Variants in SEC24D observed in about 807,000 individuals in gnomAD.
The protein encoded by SEC24D is SEC24 homolog D, COPII component.
Under a neutral mutation model 116.9 loss-of-function variants are expected in SEC24D, and 69 were observed. That is an observed-to-expected ratio of 0.59 (90% CI 0.49 to 0.72). The LOEUF is 0.72. SEC24D is among the 30% of genes least tolerant of loss of function. The probability of loss-of-function intolerance (pLI) is 0.00; values close to 1 mark genes in which losing one functional copy is unlikely to be tolerated. For synonymous variants in SEC24D, 405 were observed against 442.8 expected (o/e 0.91, Z 1.07); for missense variants, 1,131 against 1,264.1 (o/e 0.89, Z 1.60).
chr4:118,778,728 C>T (rs1482728115), intron 8 of SEC24D, among the ~76,000 whole-genome samples: 3 of 152,168 alleles, frequency 2.0e-5, no homozygotes, highest in African/African-American at 7.2e-5. Flanking sequence ...TTCTTCCTAC[C>T]CATGAGCATG....
At chr4:118,799,704 A>G (rs1307832609) in intron 7 of SEC24D, among the ~76,000 whole-genome samples, 2 of 152,180 alleles carry the variant, frequency 1.3e-5, no homozygotes, top group African/African-American at 4.8e-5. Context: ...TAGGATGTGT[A>G]TCACGCGGAG....
Position 118,817,324 on chromosome 4 carries a change from A to C in SEC24D, c.337T>G (p.Ser113Ala). ...SAQSSYPGPISTSSVTQLGSQ... is the reference protein window; with the variant it reads ...SAQSSYPGPIATSSVTQLGSQ... ...CCCAGCTGGGTGACAGATGAAGTGGATATAGGACCTGGATAAGAAGATTGT... is the reference window on the plus strand; with the variant it reads ...CCCAGCTGGGTGACAGATGAAGTGGCTATAGGACCTGGATAAGAAGATTGT... Residue 113 changes from serine to alanine, a missense_variant, in exon 4 of 23, where the codon TCC becomes GCC. By Grantham distance (99) the Ser-to-Ala change is moderately conservative. Transcript: ENST00000280551. The C allele has an allele frequency of 6.2e-7, 1 of 1,613,844 alleles. No individual in the cohort carries two copies. Among genetic ancestry groups the C allele is most frequent in the Non-Finnish European group, 8.5e-7 (1 of 1,179,844 alleles).
At chr4:118,784,755 CCAAATACACA>C (rs1267953259) in intron 8 of SEC24D, among the ~76,000 whole-genome samples, 3 of 150,312 alleles carry the variant, frequency 2.0e-5, no homozygotes, top group Non-Finnish European at 3.0e-5. Flanking sequence ...CCCCCCGCCA[CCAAATACACA>C]CAAACACACA....
intron 19 of SEC24D, chr4:118,736,133 G>A (rs1049670115): frequency 3.6e-5 from 5 of 140,796 alleles, no homozygotes; most frequent in Non-Finnish European, 7.5e-5. Context: ...AGCCTCCTAA[G>A]TAACTGGGAT....
intron 4 of SEC24D, chr4:118,816,603 AT>A (rs758592522): frequency 5.7e-5 from 13 of 227,960 alleles, no homozygotes; most frequent in Non-Finnish European, 9.7e-5. Flanking sequence ...AGACTTATCC[AT>A]TTTGAAATGA....
intron 2 of SEC24D, among the ~76,000 whole-genome samples, chr4:118,831,955 C>A (rs1341445577): frequency 6.6e-6 from 1 of 151,760 alleles, no homozygotes; most frequent in East Asian, 1.9e-4. Flanking sequence ...ATAATTCCAG[C>A]ACCTTGGGAG....
In SEC24D at chr4:118,778,389, T is replaced by C. The variant is rs572239123; in HGVS notation, c.1042-10078A>G. Among the ~76,000 whole-genome samples the C allele has an allele frequency of 2.6e-5, 4 of 152,338 alleles. No individual in the cohort carries two copies. In the East Asian group the frequency reaches 7.7e-4, roughly 29 times the overall value. On this transcript the variant is annotated intron_variant, in intron 8 of 22. Coordinates refer to ENST00000280551, the MANE Select transcript of SEC24D (RefSeq NM_014822.4). ...AACCTTTCCCCATTTCTTGTTTTTG[T>C]TAGGTTTGTCAAAGATCAGATGGTT... is the stretch of plus-strand genomic sequence containing the variant.
At chr4:118,786,634 C>T (rs1025192056) in intron 8 of SEC24D, among the ~76,000 whole-genome samples, 8 of 152,184 alleles carry the variant, frequency 5.3e-5, no homozygotes, top group Non-Finnish European at 1.2e-4. Context: ...TTCAATAAGG[C>T]ATATTCCTAT....
chr4:118,795,781 G>A (rs1006903851), intron 8 of SEC24D, among the ~76,000 whole-genome samples: 8 of 152,110 alleles, frequency 5.3e-5, no homozygotes, highest in African/African-American at 7.2e-5. Flanking sequence ...GGTGGGGGTC[G>A]CCTAGGAAAG....
rs1027304723 is a variant in SEC24D, at chr4:118,738,183, A to G, written c.2496+78T>C. 27 of 939,574 alleles carry G rather than the reference A, an allele frequency of 2.9e-5. No individual in the cohort carries two copies. The African/African-American group carries it at 3.8e-4, about 13-fold the overall frequency. The allele number at this position is 939,574 out of a possible 1,614,324, so 58.2% of individuals were successfully genotyped here. A position where few individuals can be genotyped will look rare whatever the true frequency, so the allele number is the denominator to read the frequency against. On this transcript the variant is annotated intron_variant, in intron 19 of 22. Transcript: ENST00000280551. ...GCATCTAAGTGCCTGCAACATCATA[A>G]GCCTTCTATAGCTATGTGCTGAAGA...
Position 118,824,297 on chromosome 4 carries a change from C to T in SEC24D, c.248+323G>A, listed in dbSNP as rs148466320. ...CAGTAGCTAGGACTACAAACATGCACCACCAGGCCGGCTAATTTTTTCTAT... is the reference window on the plus strand; with the variant it reads ...CAGTAGCTAGGACTACAAACATGCATCACCAGGCCGGCTAATTTTTTCTAT... On this transcript the variant is annotated intron_variant, in intron 3 of 22. Transcript: ENST00000280551. Among the ~76,000 whole-genome samples, 1,434 of 152,178 alleles carry T rather than the reference C, an allele frequency of 9.4e-3. 10 individuals are homozygous for T. Among genetic ancestry groups the T allele is most frequent in the Middle Eastern group, 0.085 (25 of 294 alleles).
intron 8 of SEC24D, among the ~76,000 whole-genome samples, chr4:118,784,832 G>A (rs929598659): frequency 1.3e-5 from 2 of 151,130 alleles, no homozygotes; most frequent in African/African-American, 2.4e-5. Context: ...ACACTGGAGT[G>A]GGGGGAGAAT....
chr4:118,793,459 T>C (rs1578442462), intron 8 of SEC24D, among the ~76,000 whole-genome samples: 1 of 100,428 alleles, frequency 1.0e-5, no homozygotes, highest in Non-Finnish European at 1.8e-5. Context: ...AGAGCGAGAC[T>C]CCGTCTCAAA....
intron 13 of SEC24D, 49 bp from the exon 14 acceptor site, chr4:118,745,109 G>T: frequency 1.0e-6 from 1 of 1,001,132 alleles, no homozygotes; most frequent in Non-Finnish European, 1.5e-6. Context: ...CCGTGAGTAG[G>T]AACATTTTAA....
At chr4:118,757,253 C>G (rs1185257025) in intron 11 of SEC24D, among the ~76,000 whole-genome samples, 1 of 152,096 alleles carries the variant, frequency 6.6e-6, no homozygotes, top group Non-Finnish European at 1.5e-5. Context: ...GACACAGAGG[C>G]AGTAAAGCTG....
In SEC24D at chr4:118,740,933, A is replaced by G; in HGVS notation, c.2092+8T>C. On this transcript the variant is annotated splice_region_variant and intron_variant, in intron 16 of 22. Transcript: ENST00000280551. ...AGAGACCCGAAGAATTGTATAAATG[A>G]TAATTACCTGTGCTGGTACGAACCC... is the stretch of plus-strand genomic sequence containing the variant. 6.3e-7 allele frequency: 1 copy of G among 1,593,812 alleles called. No individual in the cohort carries two copies. Among genetic ancestry groups the G allele is most frequent in the Non-Finnish European group, 8.6e-7 (1 of 1,166,380 alleles).
At chr4:118,731,970 G>A (rs1334297444) in intron 20 of SEC24D, among the ~76,000 whole-genome samples, 1 of 151,360 alleles carries the variant, frequency 6.6e-6, no homozygotes, top group Non-Finnish European at 1.5e-5. Flanking sequence ...GAGTGTTTGA[G>A]GATCAGCATG....
chr4:118,791,212 T>C (rs1275791270), intron 8 of SEC24D, among the ~76,000 whole-genome samples: 3 of 152,174 alleles, frequency 2.0e-5, no homozygotes, highest in Non-Finnish European at 4.4e-5. Flanking sequence ...AGTTCATTTT[T>C]GGACACGTTA....
intron 7 of SEC24D, among the ~76,000 whole-genome samples, chr4:118,799,184 C>T (rs1320915008): frequency 6.6e-6 from 1 of 152,116 alleles, no homozygotes. Flanking sequence ...TTCAAAGGTA[C>T]AGTGACTTAT....
Sources: allele counts gnomAD v4.1 joint callset (sites outside exome capture counted in the v4.1 genomes callset), GRCh38; gene constraint gnomAD v4.1.1; transcripts MANE v1.5; gene names NCBI Gene and HGNC (gene_info 2026-07-23, HGNC 2026-07-21).